Variants in CFAP299 observed in about 807,000 individuals in gnomAD.
CFAP299 encodes cilia- and flagella-associated protein 299.
In CFAP299, 21 loss-of-function variants were observed where a neutral mutation model predicts 27.0. The ratio of observed to expected loss-of-function variants is 0.78; its 90% CI spans 0.55 to 1.12. The LOEUF is 1.12. Ranked by LOEUF, CFAP299 falls within the 50% of genes most tolerant of loss-of-function variation. The pLI is 0.00. For missense variants in CFAP299, 310 were observed against 276.6 expected, an observed-to-expected ratio of 1.12 and a Z score of -0.86; for synonymous variants, 104 against 98.1, an observed-to-expected ratio of 1.06 and a Z score of -0.36.
chr4:80,493,625 A>C (rs373101008), intron 2 of CFAP299, among the ~76,000 whole-genome samples: 1 of 152,192 alleles, frequency 6.6e-6, no homozygotes, highest in African/African-American at 2.4e-5. Flanking sequence ...AGAATTGATC[A>C]TACTGACATA....
chr4:80,478,823 G>A (rs1730413570), intron 2 of CFAP299, among the ~76,000 whole-genome samples: 1 of 151,394 alleles, frequency 6.6e-6, no homozygotes, highest in Admixed American at 6.6e-5. Context: ...GTGTGGGGAG[G>A]GAGGTGGTGT....
intron 2 of CFAP299, among the ~76,000 whole-genome samples, chr4:80,467,556 G>A (rs1317684918): frequency 6.6e-6 from 1 of 152,130 alleles, no homozygotes. Context: ...AACCTGGCAG[G>A]CTTCTAAGGT....
intron 3 of CFAP299, among the ~76,000 whole-genome samples, chr4:80,616,947 G>A (rs960412013): frequency 5.3e-5 from 8 of 151,970 alleles, no homozygotes; most frequent in Non-Finnish European, 7.4e-5. Flanking sequence ...GCTAATGGAA[G>A]AATACCTCAA....
intron 3 of CFAP299, among the ~76,000 whole-genome samples, chr4:80,821,545 C>A (rs1203613292): frequency 1.3e-5 from 2 of 152,098 alleles, no homozygotes; most frequent in Non-Finnish European, 2.9e-5. Context: ...GCTGGGCCCC[C>A]CTTTGCAAAT....
chr4:80,924,383 C>A (rs767056128), intron 4 of CFAP299, among the ~76,000 whole-genome samples: 7 of 151,750 alleles, frequency 4.6e-5, no homozygotes, highest in Non-Finnish European at 8.8e-5. Context: ...TGTTCACCTT[C>A]ATTGCTGTTA....
intron 3 of CFAP299, among the ~76,000 whole-genome samples, chr4:80,808,726 C>T (rs1193870907): frequency 1.3e-5 from 2 of 152,078 alleles, no homozygotes; most frequent in Admixed American, 6.6e-5. Context: ...TCAAGCATCT[C>T]TTACATGTGA....
At chr4:80,929,943 T>A (rs1332133900) in intron 4 of CFAP299, among the ~76,000 whole-genome samples, 2 of 152,088 alleles carry the variant, frequency 1.3e-5, no homozygotes, top group Non-Finnish European at 2.9e-5. Context: ...CTCCTAAAAT[T>A]CTTGGACTCT....
At chr4:80,912,972 T>A (rs1735555246) in intron 4 of CFAP299, among the ~76,000 whole-genome samples, 1 of 152,066 alleles carries the variant, frequency 6.6e-6, no homozygotes, top group Admixed American at 6.5e-5. Context: ...GAGGTCTTGG[T>A]CCACTCTGAT....
chr4:80,530,846 T>C (rs1036829269), intron 2 of CFAP299, among the ~76,000 whole-genome samples: 1 of 152,026 alleles, frequency 6.6e-6, no homozygotes, highest in Non-Finnish European at 1.5e-5. Flanking sequence ...GACCTTGAGG[T>C]TGATGTGCTT....
chr4:80,933,175 TTTC>T (rs1202152610), intron 4 of CFAP299, among the ~76,000 whole-genome samples: 2 of 151,956 alleles, frequency 1.3e-5, no homozygotes, highest in African/African-American at 4.8e-5. Context: ...CCTTTCTTTC[TTTC>T]TTTCTTTCTT....
chr4:80,350,514 G>A (rs1026652553), intron 1 of CFAP299, among the ~76,000 whole-genome samples: 2 of 152,132 alleles, frequency 1.3e-5, no homozygotes, highest in South Asian at 4.1e-4. Context: ...ATTTACAATA[G>A]CAAAGACTTG....
At position 80,673,536 on chromosome 4, in the gene CFAP299, C is replaced by A. The variant is rs191930757; in HGVS notation, c.333+90353C>A. 6.6e-5 allele frequency among the ~76,000 whole-genome samples: 10 copies of A among 152,252 alleles called. No homozygotes were observed. In the South Asian group the frequency reaches 1.2e-3, roughly 19 times the overall value. On this transcript the variant is annotated intron_variant, in intron 3 of 5. Coordinates refer to ENST00000358105, the MANE Select transcript of CFAP299 (RefSeq NM_152770.3). ...AGGTGTCTATTAGGTCTGCTTGGTG[C>A]GGAGCTGAGTTCAAGTCTGGATATC...
At chr4:80,631,559 C>T (rs1315784041) in intron 3 of CFAP299, among the ~76,000 whole-genome samples, 1 of 151,954 alleles carries the variant, frequency 6.6e-6, no homozygotes, top group Non-Finnish European at 1.5e-5. Flanking sequence ...ATAATTTTAA[C>T]AGCTCCAATA....
At chr4:80,416,960 AAGAAAGT>A (rs1727044660) in intron 2 of CFAP299, among the ~76,000 whole-genome samples, 2 of 152,228 alleles carry the variant, frequency 1.3e-5, no homozygotes, top group Admixed American at 1.3e-4. Context: ...CAAGTTTATT[AAGAAAGT>A]AAAGGAACAA....
At chr4:80,854,683 T>C (rs1731722006) in intron 3 of CFAP299, among the ~76,000 whole-genome samples, 1 of 151,576 alleles carries the variant, frequency 6.6e-6, no homozygotes, top group Non-Finnish European at 1.5e-5. Context: ...AGAAAGGGTG[T>C]TCGTGAAAGT....
intron 3 of CFAP299, among the ~76,000 whole-genome samples, chr4:80,661,252 G>C (rs1740828377): frequency 1.3e-5 from 2 of 151,416 alleles, no homozygotes; most frequent in South Asian, 4.2e-4. Context: ...CTTGAACCCA[G>C]GAGTCGGAGG....
At chr4:80,347,924 A>ATGATAAT in intron 1 of CFAP299, among the ~76,000 whole-genome samples, 1 of 152,154 alleles carries the variant, frequency 6.6e-6, no homozygotes, top group African/African-American at 2.4e-5. Context: ...ATACAAAACC[A>ATGATAAT]GACACACAGA....
chr4:80,782,110 C>T (rs1381967099), intron 3 of CFAP299, among the ~76,000 whole-genome samples: 1 of 152,078 alleles, frequency 6.6e-6, no homozygotes, highest in East Asian at 1.9e-4. Flanking sequence ...GTGATTTTAT[C>T]TGGACAATTA....
At chr4:80,838,759 C>G (rs1730703538) in intron 3 of CFAP299, among the ~76,000 whole-genome samples, 1 of 151,704 alleles carries the variant, frequency 6.6e-6, no homozygotes, top group South Asian at 2.1e-4. Flanking sequence ...CTTTTTGGCT[C>G]CATATGAAAT....
Sources: allele counts gnomAD v4.1 joint callset (sites outside exome capture counted in the v4.1 genomes callset), GRCh38; gene constraint gnomAD v4.1.1; transcripts MANE v1.5; gene names NCBI Gene and HGNC (gene_info 2026-07-23, HGNC 2026-07-21).